The following IFT74 variants were observed in gnomAD, a reference collection of about 807,000 sequenced individuals.
IFT74 encodes intraflagellar transport 74.
In IFT74, 92 loss-of-function variants were observed where a neutral mutation model predicts 96.7. That is an observed-to-expected ratio of 0.95 (90% CI 0.80 to 1.13). The LOEUF is 1.13. Among genes scored for constraint, IFT74 ranks in the 50% most tolerant of loss-of-function variants. IFT74 has a pLI of 0.00. For synonymous variants in IFT74, 223 were observed against 213.2 expected (o/e 1.05, Z -0.40); for missense variants, 811 against 698.2 (o/e 1.16, Z -1.82).
In IFT74 at chr9:26,998,048, C is replaced by T. The variant is rs1828260159; in HGVS notation, c.587+7853C>T. ...TTCTAGACTGGAGAGGTTACCAAAA[C>T]CGTTATTATGTAAGATAGTAACCTT... On this transcript the variant is annotated intron_variant, in intron 8 of 19. Coordinates refer to ENST00000380062, the MANE Select transcript of IFT74 (RefSeq NM_025103.4). 3 of 1,613,340 alleles carry T rather than the reference C, an allele frequency of 1.9e-6. No individual in the cohort carries two copies. The South Asian group carries it at 3.3e-5, about 18-fold the overall frequency.
intron 12 of IFT74, 148 bp downstream of exon 12, chr9:27,018,835 T>C (rs532453955): frequency 4.7e-6 from 2 of 424,212 alleles, no homozygotes; most frequent in African/African-American, 4.1e-5. Context: ...CATAGTATAA[T>C]TTTTTTATAA....
chr9:27,061,144 G>GGT (rs34615635), intron 19 of IFT74, among the ~76,000 whole-genome samples: 4,300 of 149,852 alleles, frequency 0.029, 95 homozygotes, highest in South Asian at 0.074. Context: ...GTAGTTAAGA[G>GGT]GTGTGTGTGT....
At chr9:26,999,775 T>A in intron 8 of IFT74, 1 of 787,102 alleles carries the variant, frequency 1.3e-6, no homozygotes, top group Non-Finnish European at 1.8e-6. Context: ...TTATTCTTTT[T>A]TTTTTTTTTT....
intron 13 of IFT74, among the ~76,000 whole-genome samples, chr9:27,037,125 C>T (rs1182831808): frequency 6.8e-6 from 1 of 147,462 alleles, no homozygotes; most frequent in Admixed American, 7.1e-5. Flanking sequence ...GAGGCTGAGA[C>T]AGGAGAATTG....
At chr9:26,962,709 A>G (rs542203925) in intron 2 of IFT74, among the ~76,000 whole-genome samples, 2 of 152,324 alleles carry the variant, frequency 1.3e-5, no homozygotes, top group Non-Finnish European at 2.9e-5. Context: ...GTAGAGGAAA[A>G]TGTTGGCAAG....
intron 8 of IFT74, among the ~76,000 whole-genome samples, chr9:27,007,097 A>G (rs1214116926): frequency 6.6e-6 from 1 of 151,970 alleles, no homozygotes; most frequent in African/African-American, 2.4e-5. Context: ...TCGGCCTCCT[A>G]AAGTGCTGGG....
At chr9:27,035,831 A>T (rs1016845298) in intron 13 of IFT74, among the ~76,000 whole-genome samples, 1 of 152,228 alleles carries the variant, frequency 6.6e-6, no homozygotes, top group Non-Finnish European at 1.5e-5. Context: ...AAATAGAATT[A>T]TCTGATCTTG....
chr9:26,962,165 G>A, intron 2 of IFT74, 78 bp downstream of exon 2: 1 of 1,447,406 alleles, frequency 6.9e-7, no homozygotes. Flanking sequence ...TGGGGCTTCA[G>A]TGAACTCTGA....
At chr9:27,023,213 G>T (rs1248990912) in intron 12 of IFT74, among the ~76,000 whole-genome samples, 1 of 152,140 alleles carries the variant, frequency 6.6e-6, no homozygotes, top group African/African-American at 2.4e-5. Flanking sequence ...GAAGTGGTGA[G>T]AGTGGGCATC....
At chr9:26,996,971 G>C (rs2131570908) in intron 8 of IFT74, among the ~76,000 whole-genome samples, 1 of 152,276 alleles carries the variant, frequency 6.6e-6, no homozygotes, top group South Asian at 2.1e-4. Context: ...AGCACTTTGG[G>C]AGGCCGAGGC....
intron 13 of IFT74, among the ~76,000 whole-genome samples, chr9:27,038,698 G>A (rs771321874): frequency 6.6e-6 from 1 of 152,180 alleles, no homozygotes; most frequent in Non-Finnish European, 1.5e-5. Context: ...AGGAACTCAA[G>A]GTTCTGCTGA....
intron 13 of IFT74, among the ~76,000 whole-genome samples, chr9:27,032,419 A>G (rs1830169549): frequency 1.3e-5 from 2 of 152,170 alleles, no homozygotes. Context: ...AATTACCTAG[A>G]ATTTCTGAAA....
chr9:27,005,541 T>C (rs997962217), intron 8 of IFT74: 1 of 151,302 alleles, frequency 6.6e-6, no homozygotes, highest in Admixed American at 6.6e-5. Flanking sequence ...AACTTAAATA[T>C]GATTAAAAAA....
intron 8 of IFT74, among the ~76,000 whole-genome samples, chr9:27,006,831 G>T (rs367865315): frequency 1.1e-3 from 71 of 64,418 alleles, no homozygotes; most frequent in African/African-American, 4.1e-3. Flanking sequence ...ATTATTGTGT[G>T]TTTTTTTTTT....
In IFT74 at chr9:27,016,887, C is replaced by G. The variant is rs751042259; in HGVS notation, c.790-20C>G. ...TTGATAAAATACTAATTAAAACTTT[C>G]CCTTCTTATTTTCCTTTAGGAAATA... On this transcript the variant is annotated intron_variant, in intron 10 of 19. Coordinates refer to ENST00000380062, the MANE Select transcript of IFT74 (RefSeq NM_025103.4). 61 of 1,571,320 alleles carry G rather than the reference C, an allele frequency of 3.9e-5. No individual in the cohort carries two copies. The highest frequency in any genetic ancestry group is 5.0e-5 in the Non-Finnish European group (58 of 1,162,550).
intron 1 of IFT74, 124 bp from the exon 2 acceptor site, chr9:26,961,825 G>A: frequency 2.2e-6 from 2 of 907,954 alleles, no homozygotes; most frequent in Admixed American, 2.2e-5. Flanking sequence ...TAGCCTTGTA[G>A]TGGTACACAG....
chr9:27,024,744 C>T (rs911252854), intron 12 of IFT74, among the ~76,000 whole-genome samples: 1 of 151,382 alleles, frequency 6.6e-6, no homozygotes, highest in African/African-American at 2.4e-5. Flanking sequence ...AGGTGAAAAC[C>T]AACTTAAAGA....
At chr9:27,035,669 C>T (rs994249704) in intron 13 of IFT74, among the ~76,000 whole-genome samples, 1 of 152,158 alleles carries the variant, frequency 6.6e-6, no homozygotes, top group Admixed American at 6.6e-5. Flanking sequence ...TGCTTACTAC[C>T]AATTATACTG....
intron 16 of IFT74, among the ~76,000 whole-genome samples, chr9:27,050,046 CTTATTTAT>C (rs148206711): frequency 1.3e-5 from 2 of 151,286 alleles, no homozygotes; most frequent in African/African-American, 2.4e-5. Flanking sequence ...TAGGACTAGC[CTTATTTAT>C]TTATTTATTT....
Sources: allele counts gnomAD v4.1 joint callset (sites outside exome capture counted in the v4.1 genomes callset), GRCh38; gene constraint gnomAD v4.1.1; transcripts MANE v1.5; gene names NCBI Gene and HGNC (gene_info 2026-07-23, HGNC 2026-07-21).